ULK4: variants seen among roughly 807,000 people sequenced by gnomAD.
The protein encoded by ULK4 is inactive serine/threonine-protein kinase ULK4.
Under a neutral mutation model 160.6 loss-of-function variants are expected in ULK4, and 133 were observed. The ratio of observed to expected loss-of-function variants is 0.83; its 90% CI spans 0.72 to 0.96. The LOEUF (loss-of-function observed/expected upper bound fraction) is 0.96. ULK4 is among the 40% of genes least tolerant of loss of function. ULK4 has a pLI of 0.00. For missense variants in ULK4, 1,580 were observed against 1,499.5 expected, an observed-to-expected ratio of 1.05 and a Z score of -0.89; for synonymous variants, 534 against 539.8, an observed-to-expected ratio of 0.99 and a Z score of 0.15.
chr3:41,748,535 C>A (rs905313085), intron 22 of ULK4, among the ~76,000 whole-genome samples: 1 of 152,086 alleles, frequency 6.6e-6, no homozygotes, highest in Non-Finnish European at 1.5e-5. Context: ...TTGTTTTCAA[C>A]TTTTAAAGAC....
intron 30 of ULK4, among the ~76,000 whole-genome samples, chr3:41,659,264 T>C (rs2125754365): frequency 6.6e-6 from 1 of 152,306 alleles, no homozygotes; most frequent in South Asian, 2.1e-4. Flanking sequence ...CACCTCTGCA[T>C]AGGAATATTC....
chr3:41,956,018 A>C (rs148852356), intron 1 of ULK4, among the ~76,000 whole-genome samples: 13 of 152,120 alleles, frequency 8.5e-5, no homozygotes, highest in Admixed American at 2.6e-4. Flanking sequence ...GACTTCCTGT[A>C]ACTAAATTGA....
At chr3:41,400,249 A>G (rs368445198) in intron 34 of ULK4, among the ~76,000 whole-genome samples, 3 of 151,966 alleles carry the variant, frequency 2.0e-5, no homozygotes, top group Admixed American at 6.6e-5. Flanking sequence ...TACATATTGT[A>G]TTTAGCTCTG....
intron 35 of ULK4, among the ~76,000 whole-genome samples, chr3:41,279,030 C>T (rs1267533489): frequency 6.6e-6 from 1 of 151,906 alleles, no homozygotes; most frequent in Non-Finnish European, 1.5e-5. Context: ...TAACCCATTG[C>T]AAGGAAGCTA....
At chr3:41,466,017 A>G (rs1047104160) in intron 32 of ULK4, among the ~76,000 whole-genome samples, 1 of 152,194 alleles carries the variant, frequency 6.6e-6, no homozygotes, top group South Asian at 2.1e-4. Context: ...ACCATTGTGA[A>G]CATAATGCAT....
At chr3:41,567,417 C>T (rs1006910135) in intron 31 of ULK4, among the ~76,000 whole-genome samples, 1 of 149,478 alleles carries the variant, frequency 6.7e-6, no homozygotes, top group Non-Finnish European at 1.5e-5. Context: ...CAGGATAAGA[C>T]TCATTGAGAA....
At chr3:41,776,633 G>A (rs76223248) in intron 21 of ULK4, among the ~76,000 whole-genome samples, 23 of 113,420 alleles carry the variant, frequency 2.0e-4, no homozygotes, top group Admixed American at 1.9e-3. Context: ...TAGCATGAAG[G>A]GTTGTTGAAT....
chr3:41,697,412 AAATT>A (rs1196154213), intron 27 of ULK4, among the ~76,000 whole-genome samples: 4 of 152,242 alleles, frequency 2.6e-5, no homozygotes, highest in South Asian at 2.1e-4. Context: ...AGGATAAAAA[AAATT>A]AATTAAAAAT....
chr3:41,509,569 G>A (rs895337267), intron 32 of ULK4, among the ~76,000 whole-genome samples: 9 of 152,174 alleles, frequency 5.9e-5, no homozygotes, highest in African/African-American at 2.2e-4. Context: ...TAAGAGCTGT[G>A]AGGTAAAAGC....
intron 30 of ULK4, among the ~76,000 whole-genome samples, chr3:41,651,995 A>C (rs964206977): frequency 1.3e-5 from 2 of 152,162 alleles, no homozygotes; most frequent in African/African-American, 4.8e-5. Context: ...GAGAAGAATA[A>C]CTATAATAAG....
chr3:41,686,845 T>TA (rs2036117028), intron 27 of ULK4, among the ~76,000 whole-genome samples: 1 of 152,160 alleles, frequency 6.6e-6, no homozygotes, highest in Non-Finnish European at 1.5e-5. Context: ...GTGTTCTTTT[T>TA]AAAAAAATAT....
chr3:41,944,039 A>G (rs983249353), intron 2 of ULK4, among the ~76,000 whole-genome samples: 2 of 152,160 alleles, frequency 1.3e-5, no homozygotes, highest in Non-Finnish European at 2.9e-5. Flanking sequence ...GGACACCAAC[A>G]AGATGTTAAC....
intron 4 of ULK4, among the ~76,000 whole-genome samples, chr3:41,932,875 C>G (rs898983870): frequency 4.6e-5 from 7 of 152,016 alleles, no homozygotes; most frequent in Admixed American, 2.0e-4. Flanking sequence ...GAAACCTTAT[C>G]TCTACTCAAA....
At chr3:41,607,335 C>T (rs1458174041) in intron 31 of ULK4, among the ~76,000 whole-genome samples, 1 of 152,070 alleles carries the variant, frequency 6.6e-6, no homozygotes, top group African/African-American at 2.4e-5. Flanking sequence ...TATTTTATAA[C>T]CTTTTGAAGG....
chr3:41,390,807 T>C (rs2081940532), intron 35 of ULK4, among the ~76,000 whole-genome samples: 1 of 152,200 alleles, frequency 6.6e-6, no homozygotes, highest in Non-Finnish European at 1.5e-5. Context: ...TATTTTGGAA[T>C]AGGTGCGGTG....
chr3:41,357,102 T>C (rs1197304381), intron 35 of ULK4, among the ~76,000 whole-genome samples: 1 of 152,208 alleles, frequency 6.6e-6, no homozygotes, highest in Non-Finnish European at 1.5e-5. Context: ...GTTGTTTTAT[T>C]TGGAGATTAA....
intron 27 of ULK4, among the ~76,000 whole-genome samples, chr3:41,689,530 C>A (rs2036211856): frequency 6.6e-6 from 1 of 152,128 alleles, no homozygotes; most frequent in Admixed American, 6.5e-5. Context: ...AAAATTTTCG[C>A]AACCTACTCA....
At chr3:41,525,593 C>T (rs1181086494) in intron 32 of ULK4, among the ~76,000 whole-genome samples, 1 of 152,210 alleles carries the variant, frequency 6.6e-6, no homozygotes, top group Non-Finnish European at 1.5e-5. Flanking sequence ...CCCATCATCG[C>T]TCCCTTACTG....
intron 30 of ULK4, among the ~76,000 whole-genome samples, chr3:41,631,913 C>T (rs1432892332): frequency 1.3e-5 from 2 of 152,176 alleles, no homozygotes; most frequent in Non-Finnish European, 2.9e-5. Context: ...GCTCCTGCTA[C>T]CCAGCTGAGG....
Sources: gnomAD v4.1 joint callset for allele counts (sites outside exome capture counted in the v4.1 genomes callset) on GRCh38, gnomAD v4.1.1 for gene constraint, MANE v1.5 for transcripts, NCBI Gene and HGNC (gene_info 2026-07-23, HGNC 2026-07-21) for gene names.